Variants in KCNIP1 observed in about 807,000 individuals in gnomAD.
The protein encoded by KCNIP1 is A-type potassium channel modulatory protein KCNIP1.
In KCNIP1, 18 loss-of-function variants were observed where a neutral mutation model predicts 33.0. That is an observed-to-expected ratio of 0.55 (90% confidence interval 0.38 to 0.81). KCNIP1 has a LOEUF of 0.81. Among genes scored for constraint, KCNIP1 ranks in the 30% least tolerant of loss-of-function variants. The probability of loss-of-function intolerance (pLI) is 0.00; values close to 1 mark genes in which losing one functional copy is unlikely to be tolerated. For synonymous variants in KCNIP1, 93 were observed against 98.3 expected (o/e 0.95, Z 0.32); for missense variants, 238 against 271.6 (o/e 0.88, Z 0.87).
At chr5:170,546,373 C>T (rs1227105732) in intron 1 of KCNIP1, among the ~76,000 whole-genome samples, 1 of 152,224 alleles carries the variant, frequency 6.6e-6, no homozygotes, top group African/African-American at 2.4e-5. Context: ...ACCTGAGCTG[C>T]ATAGAGCACT....
At chr5:170,592,366 G>A (rs114381329) in intron 1 of KCNIP1, among the ~76,000 whole-genome samples, 358 of 152,250 alleles carry the variant, frequency 2.4e-3, no homozygotes, top group Admixed American at 3.4e-3. Flanking sequence ...TAGTATGTTC[G>A]TGTTACAGTA....
intron 1 of KCNIP1, among the ~76,000 whole-genome samples, chr5:170,642,698 C>T (rs1760617450): frequency 6.6e-6 from 1 of 152,210 alleles, no homozygotes; most frequent in Admixed American, 6.5e-5. Context: ...GTGAAAACTG[C>T]TTGTGTCTGC....
intron 1 of KCNIP1, among the ~76,000 whole-genome samples, chr5:170,494,717 G>T (rs1360287877): frequency 2.0e-5 from 3 of 152,184 alleles, no homozygotes; most frequent in African/African-American, 7.2e-5. Flanking sequence ...AGGATGACAG[G>T]CTCCCCGTCC....
intron 1 of KCNIP1, among the ~76,000 whole-genome samples, chr5:170,713,392 A>G (rs1763526729): frequency 6.6e-6 from 1 of 151,910 alleles, no homozygotes; most frequent in Admixed American, 6.6e-5. Context: ...GGTATAGATC[A>G]AAAACCAAAA....
intron 1 of KCNIP1, among the ~76,000 whole-genome samples, chr5:170,595,727 G>C (rs1213776463): frequency 6.6e-6 from 1 of 152,216 alleles, no homozygotes; most frequent in Non-Finnish European, 1.5e-5. Context: ...AGCTAAAACT[G>C]AGAGATCTAA....
chr5:170,605,770 C>G (rs199613732), intron 1 of KCNIP1, among the ~76,000 whole-genome samples: 3 of 102,350 alleles, frequency 2.9e-5, no homozygotes, highest in African/African-American at 1.1e-4. Context: ...CAACCCTGTT[C>G]TTTTTTTTTT....
chr5:170,575,191 C>T (rs565940844), intron 1 of KCNIP1, among the ~76,000 whole-genome samples: 2 of 152,044 alleles, frequency 1.3e-5, no homozygotes, highest in African/African-American at 2.4e-5. Context: ...GTTTTGCAGT[C>T]GTATTTGTGT....
chr5:170,629,304 G>A (rs1759959288), intron 1 of KCNIP1, among the ~76,000 whole-genome samples: 1 of 152,212 alleles, frequency 6.6e-6, no homozygotes, highest in Admixed American at 6.5e-5. Flanking sequence ...GGACCTCCTG[G>A]CCAAGGTCCT....
intron 1 of KCNIP1, among the ~76,000 whole-genome samples, chr5:170,674,774 T>G (rs2113778995): frequency 6.6e-6 from 1 of 152,276 alleles, no homozygotes; most frequent in Admixed American, 6.5e-5. Flanking sequence ...ACCAGGAAGC[T>G]TCTCTCCAGT....
At chr5:170,367,403 AAGAAAGAAAGAAAGAAAG>A (rs1326237831) in intron 1 of KCNIP1, among the ~76,000 whole-genome samples, 7 of 127,196 alleles carry the variant, frequency 5.5e-5, no homozygotes, top group African/African-American at 1.9e-4. Flanking sequence ...GAAAGAAAGA[AAGAAAGAAAGAAAGAAAG>A]GAAAGAAAGA....
chr5:170,487,950 C>T (rs548791341), intron 1 of KCNIP1, among the ~76,000 whole-genome samples: 41 of 152,310 alleles, frequency 2.7e-4, no homozygotes, highest in African/African-American at 9.4e-4. Context: ...TTGACTGCCT[C>T]ATAAATTTCC....
At chr5:170,401,558 G>T (rs972259642) in intron 1 of KCNIP1, among the ~76,000 whole-genome samples, 1 of 152,044 alleles carries the variant, frequency 6.6e-6, no homozygotes, top group Non-Finnish European at 1.5e-5. Context: ...GAGCCCAGGA[G>T]TTCTAGACCA....
At chr5:170,542,391 C>T (rs1040438610) in intron 1 of KCNIP1, among the ~76,000 whole-genome samples, 1 of 152,096 alleles carries the variant, frequency 6.6e-6, no homozygotes, top group Non-Finnish European at 1.5e-5. Context: ...CTAAAATGTC[C>T]CATAGAGTTG....
At chr5:170,481,417 G>C (rs1476265076) in intron 1 of KCNIP1, among the ~76,000 whole-genome samples, 1 of 147,814 alleles carries the variant, frequency 6.8e-6, no homozygotes, top group East Asian at 2.1e-4. Context: ...TGCTGCTGCT[G>C]CTGTGTCCAC....
upstream of KCNIP1, among the ~76,000 whole-genome samples, chr5:170,501,190 G>A (rs1292309014): frequency 1.3e-5 from 2 of 152,202 alleles, no homozygotes; most frequent in Non-Finnish European, 2.9e-5. Flanking sequence ...GCAGGGCACC[G>A]ACTCAGGGCC....
At chr5:170,641,429 G>A (rs1760552271) in intron 1 of KCNIP1, among the ~76,000 whole-genome samples, 1 of 152,236 alleles carries the variant, frequency 6.6e-6, no homozygotes, top group South Asian at 2.1e-4. Context: ...AGGGGAAGGT[G>A]GCCGTCATCC....
chr5:170,572,498 T>C (rs1463741373), intron 1 of KCNIP1, among the ~76,000 whole-genome samples: 1 of 152,160 alleles, frequency 6.6e-6, no homozygotes, highest in African/African-American at 2.4e-5. Context: ...AGGAAAAATA[T>C]TTATAACCTG....
intron 1 of KCNIP1, among the ~76,000 whole-genome samples, chr5:170,569,077 T>A (rs574578547): frequency 6.6e-6 from 1 of 152,302 alleles, no homozygotes; most frequent in East Asian, 1.9e-4. Context: ...CCTCAGAAAG[T>A]GGGAAGCTCC....
chr5:170,411,601 A>AT (rs1755190998), intron 1 of KCNIP1, among the ~76,000 whole-genome samples: 1 of 151,142 alleles, frequency 6.6e-6, no homozygotes, highest in Non-Finnish European at 1.5e-5. Context: ...TTTTATCAAC[A>AT]TTTTTTTTCT....
Sources: allele counts gnomAD v4.1 joint callset (sites outside exome capture counted in the v4.1 genomes callset), GRCh38; gene constraint gnomAD v4.1.1; transcripts MANE v1.5; gene names NCBI Gene and HGNC (gene_info 2026-07-23, HGNC 2026-07-21).